Variants in TEK observed in about 807,000 individuals in gnomAD.
The protein encoded by TEK is angiopoietin-1 receptor.
In TEK, 43 loss-of-function variants were observed where a neutral mutation model predicts 131.8. That is an observed-to-expected ratio of 0.33 (90% confidence interval 0.26 to 0.42). The LOEUF (loss-of-function observed/expected upper bound fraction) is 0.42. Ranked by LOEUF, TEK falls within the 10% of genes least tolerant of loss-of-function variation. The probability of loss-of-function intolerance (pLI) is 1.00; values close to 1 mark genes in which losing one functional copy is unlikely to be tolerated. For synonymous variants in TEK, 580 were observed against 491.6 expected (o/e 1.18, Z -2.38); for missense variants, 1,162 against 1,384.4 (o/e 0.84, Z 2.55).
chr9:27,130,808 C>T (rs1413305539), intron 1 of TEK, among the ~76,000 whole-genome samples: 1 of 151,938 alleles, frequency 6.6e-6, no homozygotes, highest in Non-Finnish European at 1.5e-5. Context: ...CCTCGTGATT[C>T]ACATGCCTTG....
At chr9:27,152,601 G>GGC (rs5897221) in intron 1 of TEK, among the ~76,000 whole-genome samples, 1 of 123,880 alleles carries the variant, frequency 8.1e-6, no homozygotes, top group African/African-American at 3.1e-5. Context: ...CCCCCCCGCC[G>GGC]CAAAAAAATA....
intron 1 of TEK, among the ~76,000 whole-genome samples, chr9:27,123,672 A>C (rs1250804069): frequency 6.6e-6 from 1 of 152,186 alleles, no homozygotes; most frequent in Non-Finnish European, 1.5e-5. Context: ...TATTTTGAAA[A>C]ATTCTGGTTC....
At position 27,230,055 on chromosome 9, in the gene TEK, T is replaced by G. The variant is rs1826504082; in HGVS notation, c.*823T>G. The G allele has an allele frequency of 6.6e-6, 1 of 152,256 alleles. No homozygotes were observed. Among genetic ancestry groups the G allele is most frequent in the South Asian group, 2.1e-4 (1 of 4,830 alleles). 9.4% of individuals were successfully genotyped at this position (152,256 alleles called of 1,614,324 possible). A position where few individuals can be genotyped will look rare whatever the true frequency, so the allele number is the denominator to read the frequency against. On this transcript the variant is annotated 3_prime_UTR_variant, in exon 23 of 23. Transcript: ENST00000380036. ...TATATATTGAATTAATATCCCTACA[T>G]GTATTGCACATTGTAAAAAGTTTTA...
At chr9:27,117,366 T>G (rs993911298) in intron 1 of TEK, among the ~76,000 whole-genome samples, 2 of 152,156 alleles carry the variant, frequency 1.3e-5, no homozygotes, top group South Asian at 4.1e-4. Context: ...GCCTCCCTTA[T>G]TTTTGGAATT....
At chr9:27,198,033 T>A (rs1177117280) in intron 12 of TEK, among the ~76,000 whole-genome samples, 2 of 151,456 alleles carry the variant, frequency 1.3e-5, no homozygotes, top group Non-Finnish European at 3.0e-5. Flanking sequence ...TTAAAAGATT[T>A]ATCTAGGAGT....
At chr9:27,192,711 G>A (rs2131187536) in intron 11 of TEK, 88 bp downstream of exon 11, 1 of 992,506 alleles carries the variant, frequency 1.0e-6, no homozygotes, top group East Asian at 2.9e-5. Context: ...AAGGGTGGTG[G>A]TGGGTGAGTG....
chr9:27,181,067 T>C (rs1394363164), intron 7 of TEK, among the ~76,000 whole-genome samples: 1 of 152,140 alleles, frequency 6.6e-6, no homozygotes, highest in Non-Finnish European at 1.5e-5. Flanking sequence ...TCCTAATTTC[T>C]GACAACCATT....
intron 18 of TEK, among the ~76,000 whole-genome samples, chr9:27,213,821 C>T (rs1825719666): frequency 6.6e-6 from 1 of 152,146 alleles, no homozygotes; most frequent in African/African-American, 2.4e-5. Context: ...CATGTGTGAC[C>T]AAGTGATTGA....
At chr9:27,182,903 T>C (rs1824443364) in intron 7 of TEK, among the ~76,000 whole-genome samples, 1 of 152,218 alleles carries the variant, frequency 6.6e-6, no homozygotes, top group South Asian at 2.1e-4. Context: ...TTCTTTGATG[T>C]ACTTCTTTTG....
chr9:27,213,633 C>G (rs1335358954), intron 18 of TEK, 36 bp downstream of exon 18: 1 of 1,484,638 alleles, frequency 6.7e-7, no homozygotes, highest in South Asian at 1.1e-5. Context: ...CGCATCCTTT[C>G]CGAGGTACTC....
intron 14 of TEK, 136 bp from the exon 15 acceptor site, chr9:27,206,446 C>T: frequency 9.5e-7 from 1 of 1,055,662 alleles, no homozygotes; most frequent in Non-Finnish European, 1.4e-6. Flanking sequence ...GTGATGAAAA[C>T]CTATTTCCCT....
chr9:27,137,742 G>A (rs1449327044), intron 1 of TEK, among the ~76,000 whole-genome samples: 1 of 152,150 alleles, frequency 6.6e-6, no homozygotes, highest in African/African-American at 2.4e-5. Flanking sequence ...TCACTATTGT[G>A]AATTCTACCC....
chr9:27,119,770 T>A (rs1821710163), intron 1 of TEK, among the ~76,000 whole-genome samples: 1 of 152,214 alleles, frequency 6.6e-6, no homozygotes, highest in African/African-American at 2.4e-5. Context: ...TCCCACCTCA[T>A]TTATCCCAAA....
At chr9:27,136,239 G>T (rs917753753) in intron 1 of TEK, among the ~76,000 whole-genome samples, 3 of 151,898 alleles carry the variant, frequency 2.0e-5, no homozygotes, top group African/African-American at 7.3e-5. Flanking sequence ...ATGCCACCAC[G>T]CCCAGCTGAT....
rs1826000860 is a variant in TEK at position 27,220,044 on chromosome 9, T to G, written c.3104-5T>G. 1 of 1,613,862 alleles carries G rather than the reference T, an allele frequency of 6.2e-7. No homozygotes were observed. The highest frequency in any genetic ancestry group is 1.3e-5 in the African/African-American group (1 of 74,876). ...GGACTTAGAGTGGCACTGTTTGTCT[T>G]CCAGGAGGCACACCCTACTGCGGGA... On this transcript the variant is annotated splice_polypyrimidine_tract_variant and splice_region_variant and intron_variant, in intron 20 of 22. Transcript: ENST00000380036.
chr9:27,220,476 A>G (rs1338012786), intron 21 of TEK, among the ~76,000 whole-genome samples: 3 of 36,928 alleles, frequency 8.1e-5, no homozygotes, highest in Non-Finnish European at 1.3e-4. Context: ...AAAGCTGTTC[A>G]TTAAGATTAA....
chr9:27,109,367 C>T lies in TEK; in HGVS notation c.-224C>T. ...CCTTTAAGATACAGCCTTTCCCATC[C>T]TAATCTACAAAGGAAACAGGAAAAA... On this transcript the variant is annotated 5_prime_UTR_variant, in exon 1 of 23. Coordinates refer to ENST00000380036, the MANE Select transcript of TEK (RefSeq NM_000459.5). 1.6e-6 allele frequency: 1 copy of T among 623,096 alleles called. No homozygotes were observed. The highest frequency in any genetic ancestry group is 2.8e-4 in the Middle Eastern group (1 of 3,574). The allele number at this position is 623,096 out of a possible 1,614,324, so 38.6% of individuals were successfully genotyped here.
chr9:27,163,096 A>G (rs550947639), intron 2 of TEK, among the ~76,000 whole-genome samples: 8 of 152,282 alleles, frequency 5.3e-5, no homozygotes, highest in Admixed American at 1.3e-4. Flanking sequence ...GCAACTTCAT[A>G]TGTATTACTA....
chr9:27,223,092 T>G lies in TEK; in HGVS notation c.3200+2947T>G, dbSNP rs12350780. 2.3e-3 allele frequency among the ~76,000 whole-genome samples: 350 copies of G among 152,274 alleles called. 1 individual carries two copies. Among genetic ancestry groups the G allele is most frequent in the African/African-American group, 8.1e-3 (336 of 41,554 alleles). On this transcript the variant is annotated intron_variant, in intron 21 of 22. Transcript: ENST00000380036. ...GCTAACTAACTATCTTAAATATATATGCACCCAATGCAGGAGCACCCAGAT... is the reference window on the plus strand; with the variant it reads ...GCTAACTAACTATCTTAAATATATAGGCACCCAATGCAGGAGCACCCAGAT...
Sources: allele counts gnomAD v4.1 joint callset (sites outside exome capture counted in the v4.1 genomes callset), GRCh38; gene constraint gnomAD v4.1.1; transcripts MANE v1.5; gene names NCBI Gene and HGNC (gene_info 2026-07-23, HGNC 2026-07-21).